Variants in REV1 observed in about 807,000 individuals in gnomAD.
REV1 encodes REV1 DNA directed polymerase.
In REV1, 42 loss-of-function variants were observed where a neutral mutation model predicts 137.4. That is an observed-to-expected ratio of 0.31 (90% CI 0.24 to 0.40). REV1 has a LOEUF of 0.40. REV1 is among the 10% of genes least tolerant of loss of function. REV1 has a pLI of 1.00. For synonymous variants in REV1, 524 were observed against 519.2 expected, an observed-to-expected ratio of 1.01 and a Z score of -0.12; for missense variants, 1,282 against 1,490.1, an observed-to-expected ratio of 0.86 and a Z score of 2.30.
At chr2:99,424,442 T>C (rs1679076686) in intron 9 of REV1, 162 bp from the exon 10 acceptor site, 1 of 764,848 alleles carries the variant, frequency 1.3e-6, no homozygotes, top group Non-Finnish European at 2.0e-6. Flanking sequence ...CAGCCTTGTT[T>C]TCCCCCAAAA....
At chr2:99,434,541 C>T (rs773037542) in intron 7 of REV1, 93 bp from the exon 8 acceptor site, 5 of 631,668 alleles carry the variant, frequency 7.9e-6, no homozygotes, top group Non-Finnish European at 1.3e-5. Flanking sequence ...AAAAACATGC[C>T]TTTTTTTTCT....
chr2:99,430,978 T>G (rs550642809), intron 8 of REV1, among the ~76,000 whole-genome samples: 2 of 152,310 alleles, frequency 1.3e-5, no homozygotes, highest in African/African-American at 2.4e-5. Flanking sequence ...CAAATCTATT[T>G]TGAGTGCACT....
Position 99,417,043 on chromosome 2 carries a change from G to T in REV1, c.1951+1785C>A, listed in dbSNP as rs17022663. On this transcript the variant is annotated intron_variant, in intron 12 of 22. Coordinates refer to ENST00000258428, the MANE Select transcript of REV1 (RefSeq NM_016316.4). ...TTAAAACAAAGAAAACTACAAAAAGGGTTCGATTTAAAGATGGTGTTTTGG... is the reference window on the plus strand; with the variant it reads ...TTAAAACAAAGAAAACTACAAAAAGTGTTCGATTTAAAGATGGTGTTTTGG... 2.6e-5 allele frequency among the ~76,000 whole-genome samples: 4 copies of T among 151,972 alleles called. No homozygotes were observed. In the East Asian group the frequency reaches 7.7e-4, roughly 29 times the overall value.
At chr2:99,456,062 C>A (rs1275226815) in intron 3 of REV1, among the ~76,000 whole-genome samples, 14 of 152,266 alleles carry the variant, frequency 9.2e-5, no homozygotes, top group African/African-American at 3.4e-4. Context: ...AGCACTCACT[C>A]CCCCTGGGCA....
At chr2:99,452,421 T>TA (rs577767878) in intron 3 of REV1, among the ~76,000 whole-genome samples, 74,560 of 125,128 alleles carry the variant, frequency 0.6, 21,497 homozygotes, top group African/African-American at 0.68. Flanking sequence ...AGAGCCTGTC[T>TA]AAAAAAAAAA....
chr2:99,476,866 G>T (rs1686035771), intron 1 of REV1, among the ~76,000 whole-genome samples: 1 of 152,278 alleles, frequency 6.6e-6, no homozygotes, highest in East Asian at 1.9e-4. Flanking sequence ...CGCTGGCAGA[G>T]GATAACTGGA....
chr2:99,414,998 C>T (rs1677655349), intron 12 of REV1, among the ~76,000 whole-genome samples: 1 of 152,192 alleles, frequency 6.6e-6, no homozygotes, highest in Non-Finnish European at 1.5e-5. Flanking sequence ...AAGTGGACAT[C>T]CCTCTATGAA....
At chr2:99,411,411 C>CT (rs550532536) in intron 13 of REV1, among the ~76,000 whole-genome samples, 21,243 of 138,544 alleles carry the variant, frequency 0.15, 1,678 homozygotes, top group East Asian at 0.24. Context: ...CCTTTCTTTC[C>CT]TTTTTTTTTT....
At chr2:99,471,498 C>A (rs1272208563) in intron 1 of REV1, among the ~76,000 whole-genome samples, 2 of 152,096 alleles carry the variant, frequency 1.3e-5, no homozygotes, top group Non-Finnish European at 2.9e-5. Context: ...ATAAAAGCTT[C>A]ATGACACTGG....
intron 8 of REV1, chr2:99,431,957 G>A (rs959458611): frequency 9.7e-6 from 9 of 926,476 alleles, no homozygotes; most frequent in South Asian, 5.0e-5. Context: ...AAAAGAAATC[G>A]CTGAGAATAA....
chr2:99,406,595 T>C, intron 15 of REV1, 105 bp from the exon 16 acceptor site: 1 of 878,082 alleles, frequency 1.1e-6, no homozygotes. Flanking sequence ...TCCTGGATCC[T>C]GTTTCTAGAA....
At chr2:99,427,054 G>A (rs371764819) in intron 9 of REV1, among the ~76,000 whole-genome samples, 2 of 151,918 alleles carry the variant, frequency 1.3e-5, no homozygotes, top group Non-Finnish European at 1.5e-5. Context: ...GTGGTGGCGG[G>A]AGCAGTAATC....
intron 5 of REV1, among the ~76,000 whole-genome samples, chr2:99,439,998 G>A (rs1229330521): frequency 1.3e-5 from 2 of 152,162 alleles, no homozygotes; most frequent in African/African-American, 4.8e-5. Flanking sequence ...ATGTGTGGGG[G>A]TAATTCAGTA....
rs1353394642 is a variant in REV1, at chr2:99,449,381, T to A, written c.305A>T (p.Glu102Val). Reference sequence around the variant, plus strand: ...TCGAATTACTTTTTCCCCCTTTAATTCTTTAATTTTGGCATTGGGAAGATT... The same window carrying A: ...TCGAATTACTTTTTCCCCCTTTAATACTTTAATTTTGGCATTGGGAAGATT... ...ATNLPNAKIKELKGEKVIRPE... is the reference protein window; with the variant it reads ...ATNLPNAKIKVLKGEKVIRPE... The change falls in exon 4 of 23, where the codon GAA becomes GTA. Residue 102 changes from glutamate (E) to valine (V), a missense_variant. Glu to Val is a moderately radical substitution (Grantham distance 121). This residue lies in a region of REV1 where 107 missense variants were observed against 164.3 expected (regional missense o/e 0.65). Coordinates refer to ENST00000258428, the MANE Select transcript of REV1 (RefSeq NM_016316.4). 1 of 1,564,560 alleles carries A rather than the reference T, an allele frequency of 6.4e-7. No homozygotes were observed. The highest frequency in any genetic ancestry group is 1.4e-5 in the African/African-American group (1 of 72,598).
intron 1 of REV1, among the ~76,000 whole-genome samples, chr2:99,479,131 C>G (rs1575244761): frequency 1.3e-5 from 2 of 151,770 alleles, no homozygotes; most frequent in African/African-American, 4.8e-5. Context: ...AGATCGAGAC[C>G]ACACTGGCCA....
chr2:99,425,931 G>A (rs1164357619), intron 9 of REV1, among the ~76,000 whole-genome samples: 2 of 152,162 alleles, frequency 1.3e-5, no homozygotes, highest in Non-Finnish European at 2.9e-5. Context: ...AGCTACTTGG[G>A]AGGCTGAGGC....
At chr2:99,474,616 C>G (rs984861054) in intron 1 of REV1, among the ~76,000 whole-genome samples, 1 of 152,076 alleles carries the variant, frequency 6.6e-6, no homozygotes, top group African/African-American at 2.4e-5. Flanking sequence ...TATTGATAAG[C>G]AGAAGTCGGG....
chr2:99,450,165 TC>T (rs1440399295), intron 3 of REV1, among the ~76,000 whole-genome samples: 3 of 152,172 alleles, frequency 2.0e-5, no homozygotes, highest in Non-Finnish European at 4.4e-5. Context: ...CCAATTTTTT[TC>T]AATTTTGTTT....
chr2:99,441,939 G>C (rs1011388348), intron 5 of REV1, among the ~76,000 whole-genome samples: 2 of 152,150 alleles, frequency 1.3e-5, no homozygotes, highest in African/African-American at 4.8e-5. Context: ...TAACAGAGCA[G>C]GGGCCATGCT....
Sources: allele counts gnomAD v4.1 joint callset (sites outside exome capture counted in the v4.1 genomes callset), GRCh38; gene constraint gnomAD v4.1.1; regional missense constraint gnomAD v4.1.1; transcripts MANE v1.5; gene names NCBI Gene and HGNC (gene_info 2026-07-23, HGNC 2026-07-21).